DCT: variants seen among roughly 807,000 people sequenced by gnomAD.
The protein encoded by DCT is L-dopachrome tautomerase.
In DCT, 47 loss-of-function variants were observed where a neutral mutation model predicts 53.0. The ratio of observed to expected loss-of-function variants is 0.89; its 90% CI spans 0.70 to 1.13. The LOEUF (loss-of-function observed/expected upper bound fraction) is 1.13, where lower values mean the gene tolerates loss of function less well. Among genes scored for constraint, DCT ranks in the 50% most tolerant of loss-of-function variants. The probability of loss-of-function intolerance (pLI) is 0.00; values close to 1 mark genes in which losing one functional copy is unlikely to be tolerated. For missense variants in DCT, 669 were observed against 637.4 expected (o/e 1.05, Z -0.53); for synonymous variants, 244 against 237.0 (o/e 1.03, Z -0.27).
At chr13:94,480,667 C>G (rs1005844279), upstream of DCT, among the ~76,000 whole-genome samples, 2 of 152,150 alleles carry the variant, frequency 1.3e-5, no homozygotes, top group Admixed American at 6.5e-5. Flanking sequence ...ATGTCTGACT[C>G]TACACCAATA....
intron 3 of DCT, 93 bp from the exon 4 acceptor site, chr13:94,465,892 A>T: frequency 3.5e-6 from 3 of 860,766 alleles, no homozygotes; most frequent in Non-Finnish European, 5.0e-6. Flanking sequence ...ATCTGAACCA[A>T]ATATCTACCA....
chr13:94,500,234 A>G, the DCT span, among the ~76,000 whole-genome samples: 2 of 152,202 alleles, frequency 1.3e-5, no homozygotes, highest in Non-Finnish European at 2.9e-5. Context: ...GACATAGCCG[A>G]GACTGGGTAA....
At chr13:94,514,396 C>T in the DCT span, among the ~76,000 whole-genome samples, 1 of 152,152 alleles carries the variant, frequency 6.6e-6, no homozygotes, top group East Asian at 1.9e-4. Context: ...CCCTTCCTGC[C>T]CTGAAAGGCT....
the DCT span, among the ~76,000 whole-genome samples, chr13:94,525,284 T>A: frequency 1.3e-5 from 2 of 152,206 alleles, no homozygotes; most frequent in South Asian, 4.1e-4. Context: ...GTATTTTTAG[T>A]AGAGATGGGG....
the DCT span, among the ~76,000 whole-genome samples, chr13:94,545,559 T>TCCC: frequency 6.6e-6 from 1 of 152,060 alleles, no homozygotes; most frequent in African/African-American, 2.4e-5. Context: ...GGCTCCCAGT[T>TCCC]AGCTAACTCC....
Position 94,479,383 on chromosome 13 carries a change from TTTC to T in DCT, c.-131_-129del. Reference sequence around the variant, plus strand: ...TTTATTTTTCTTTGCTTTCTATTCCTTTCTTCTTAAAAAAATACCCACAAGAAT... The same window carrying T: ...TTTATTTTTCTTTGCTTTCTATTCCTTTCTTAAAAAAATACCCACAAGAAT... On this transcript the variant is annotated 5_prime_UTR_variant, in exon 1 of 8. Transcript: ENST00000377028. 5 of 914,608 alleles carry T rather than the reference TTTC, an allele frequency of 5.5e-6. No homozygotes were observed. Among genetic ancestry groups the T allele is most frequent in the South Asian group, 1.9e-5 (1 of 53,460 alleles). 56.7% of individuals were successfully genotyped at this position (914,608 alleles called of 1,614,324 possible). A position where few individuals can be genotyped will look rare whatever the true frequency, so the allele number is the denominator to read the frequency against.
At chr13:94,521,818 T>A in the DCT span, among the ~76,000 whole-genome samples, 1 of 152,248 alleles carries the variant, frequency 6.6e-6, no homozygotes, top group South Asian at 2.1e-4. Flanking sequence ...TTTTAGTATG[T>A]TCAAAGAGTT....
chr13:94,535,849 A>T, the DCT span, among the ~76,000 whole-genome samples: 1 of 152,190 alleles, frequency 6.6e-6, no homozygotes, highest in Non-Finnish European at 1.5e-5. Context: ...TCACAAAAAA[A>T]CACTATTAAT....
chr13:94,453,062 T>G (rs556912904), intron 6 of DCT, among the ~76,000 whole-genome samples: 2 of 152,162 alleles, frequency 1.3e-5, no homozygotes, highest in East Asian at 3.9e-4. Context: ...AACCTAAAAA[T>G]TAAATAAATT....
At chr13:94,444,953 TACTA>T (rs1459553033) in intron 6 of DCT, among the ~76,000 whole-genome samples, 8 of 152,224 alleles carry the variant, frequency 5.3e-5, no homozygotes, top group Non-Finnish European at 1.0e-4. Flanking sequence ...AGTCAATGTT[TACTA>T]ACTATGTGTT....
chr13:94,527,565 T>C, the DCT span, among the ~76,000 whole-genome samples: 1 of 151,992 alleles, frequency 6.6e-6, no homozygotes, highest in Admixed American at 6.6e-5. Context: ...GAAGGAAAAC[T>C]AACAAACGGA....
At position 94,438,325 on chromosome 13, in the gene DCT, C is replaced by T. The variant is rs917295540; in HGVS notation, c.*1573G>A. 2.1e-5 allele frequency: 4 copies of T among 186,152 alleles called. No individual in the cohort carries two copies. The highest frequency in any genetic ancestry group is 4.5e-5 in the Non-Finnish European group (4 of 88,780). The allele number at this position is 186,152 out of a possible 1,614,324, so 11.5% of individuals were successfully genotyped here. A position where few individuals can be genotyped will look rare whatever the true frequency, so the allele number is the denominator to read the frequency against. On this transcript the variant is annotated 3_prime_UTR_variant, in exon 8 of 8. Coordinates refer to ENST00000377028, the MANE Select transcript of DCT (RefSeq NM_001922.5). ...CTAAAAAGCCCAAGCAGGGCTTTAC[C>T]GGGCTATCTTGATCTTCACCACTGA...
At chr13:94,466,299 C>T (rs200204969) in intron 3 of DCT, among the ~76,000 whole-genome samples, 1 of 151,768 alleles carries the variant, frequency 6.6e-6, no homozygotes, top group Non-Finnish European at 1.5e-5. Context: ...ATAAATAACT[C>T]GAGGTCTGAG....
intron 1 of DCT, among the ~76,000 whole-genome samples, chr13:94,476,031 G>C (rs1169896660): frequency 6.6e-6 from 1 of 152,180 alleles, no homozygotes; most frequent in African/African-American, 2.4e-5. Flanking sequence ...GCCGGGCCTT[G>C]ACAATGGCTG....
chr13:94,465,955 G>C (rs1160517598), intron 3 of DCT, among the ~76,000 whole-genome samples, 156 bp from the exon 4 acceptor site: 1 of 124,226 alleles, frequency 8.0e-6, no homozygotes, highest in Non-Finnish European at 1.6e-5. Context: ...ACATAAATCA[G>C]TGTGTGTATA....
chr13:94,547,328 G>A, the DCT span, among the ~76,000 whole-genome samples: 2 of 151,868 alleles, frequency 1.3e-5, no homozygotes, highest in Non-Finnish European at 2.9e-5. Flanking sequence ...TGTTGGCCAG[G>A]CTGGTCTCAA....
chr13:94,497,798 T>C, the DCT span, among the ~76,000 whole-genome samples: 1 of 151,958 alleles, frequency 6.6e-6, no homozygotes, highest in South Asian at 2.1e-4. Context: ...GCATGCTCCA[T>C]GTAACTTTTA....
chr13:94,441,093 C>T (rs939115439), intron 7 of DCT, among the ~76,000 whole-genome samples: 1 of 152,162 alleles, frequency 6.6e-6, no homozygotes, highest in African/African-American at 2.4e-5. Flanking sequence ...ATACCTTACA[C>T]TCACCTAATA....
At chr13:94,497,720 T>C in the DCT span, among the ~76,000 whole-genome samples, 167 of 152,214 alleles carry the variant, frequency 1.1e-3, 1 homozygote, top group Non-Finnish European at 2.3e-3. Context: ...GAGGGGTTGG[T>C]CTTGCTGTCT....
Sources: gnomAD v4.1 joint callset for allele counts (sites outside exome capture counted in the v4.1 genomes callset) on GRCh38, gnomAD v4.1.1 for gene constraint, MANE v1.5 for transcripts, NCBI Gene and HGNC (gene_info 2026-07-23, HGNC 2026-07-21) for gene names.